The following TMEM196 variants were observed in gnomAD, a reference collection of about 807,000 sequenced individuals.
TMEM196 encodes transmembrane protein 196.
In TMEM196, 17 loss-of-function variants were observed where a neutral mutation model predicts 20.0. The observed-to-expected ratio is 0.85, with a 90% CI of 0.58 to 1.27. The LOEUF (loss-of-function observed/expected upper bound fraction) is 1.27, where lower values mean the gene tolerates loss of function less well. TMEM196 is among the 50% of genes most tolerant of loss of function. The pLI, the probability that TMEM196 is intolerant of heterozygous loss-of-function variation, is 0.00. For missense variants in TMEM196, 267 were observed against 223.0 expected (o/e 1.20, Z -1.26); for synonymous variants, 113 against 88.9 (o/e 1.27, Z -1.52).
intron 4 of TMEM196, among the ~76,000 whole-genome samples, chr7:19,722,878 C>A (rs896317844): frequency 6.6e-6 from 1 of 152,022 alleles, no homozygotes; most frequent in African/African-American, 2.4e-5. Flanking sequence ...TTAAACCCTT[C>A]CCAACACAAT....
intron 1 of TMEM196, among the ~76,000 whole-genome samples, chr7:19,762,242 T>C (rs1785463175): frequency 6.6e-6 from 1 of 152,018 alleles, no homozygotes; most frequent in Non-Finnish European, 1.5e-5. Flanking sequence ...TCATAGATAG[T>C]AGTAAAAAAA....
chr7:19,740,706 A>C (rs2128023249), intron 1 of TMEM196, among the ~76,000 whole-genome samples: 1 of 152,112 alleles, frequency 6.6e-6, no homozygotes. Flanking sequence ...GCGTTTTTTC[A>C]ACCACAACCA....
At chr7:19,724,555 G>A (rs1406797943) in intron 3 of TMEM196, among the ~76,000 whole-genome samples, 2 of 152,092 alleles carry the variant, frequency 1.3e-5, no homozygotes, top group Admixed American at 1.3e-4. Context: ...GACATGCATA[G>A]CTGTGTTTAA....
At chr7:19,764,464 C>G (rs1261013778) in intron 1 of TMEM196, among the ~76,000 whole-genome samples, 1 of 152,134 alleles carries the variant, frequency 6.6e-6, no homozygotes, top group Non-Finnish European at 1.5e-5. Context: ...TCCTCAGTGA[C>G]CCACAAAGAC....
chr7:19,752,717 C>T (rs999338981), intron 1 of TMEM196, among the ~76,000 whole-genome samples: 6 of 151,898 alleles, frequency 4.0e-5, no homozygotes, highest in African/African-American at 7.3e-5. Flanking sequence ...CAGATTCAAG[C>T]GATTCTCCTG....
intron 1 of TMEM196, among the ~76,000 whole-genome samples, chr7:19,765,656 G>C (rs1323937661): frequency 6.6e-6 from 1 of 152,026 alleles, no homozygotes. Flanking sequence ...TTGTTAATCT[G>C]ATTGCCAAGT....
In TMEM196 at chr7:19,719,535, C is replaced by T. The variant is rs916579223; in HGVS notation, c.*2593G>A. On this transcript the variant is annotated 3_prime_UTR_variant, in exon 5 of 5. Coordinates refer to ENST00000405844, the MANE Select transcript of TMEM196 (RefSeq NM_001363562.2). Reference sequence around the variant, plus strand: ...TTTGATATGGTCCAAAGTATACCACCACTCCAGTTTCACATAGTTTTTCTA... The same window carrying T: ...TTTGATATGGTCCAAAGTATACCACTACTCCAGTTTCACATAGTTTTTCTA... 2.6e-5 allele frequency: 4 copies of T among 151,646 alleles called. No individual in the cohort carries two copies. Among genetic ancestry groups the T allele is most frequent in the Non-Finnish European group, 3.0e-5 (2 of 67,770 alleles). The allele number at this position is 151,646 out of a possible 1,614,324, so 9.4% of individuals were successfully genotyped here.
In TMEM196 at chr7:19,773,286, T is replaced by A. The variant is rs1013567299; in HGVS notation, c.-590A>T. On this transcript the variant is annotated 5_prime_UTR_variant, in exon 1 of 5. Transcript: ENST00000405844. ...GTCCCCAGGCAGAGCGGGCGGATGA[T>A]ATTCAGCACCACGCTCCTTGCAGTT... The A allele has an allele frequency of 1.3e-5, 2 of 152,346 alleles. No homozygotes were observed. Among genetic ancestry groups the A allele is most frequent in the Non-Finnish European group, 2.9e-5 (2 of 68,082 alleles). 9.4% of individuals were successfully genotyped at this position (152,346 alleles called of 1,614,324 possible).
intron 1 of TMEM196, among the ~76,000 whole-genome samples, chr7:19,763,343 T>C (rs925145315): frequency 1.3e-5 from 2 of 152,138 alleles, no homozygotes; most frequent in Non-Finnish European, 2.9e-5. Context: ...GAATAATCCA[T>C]ATGGAAAAAT....
chr7:19,755,273 A>G (rs997803277), intron 1 of TMEM196, among the ~76,000 whole-genome samples: 3 of 152,200 alleles, frequency 2.0e-5, no homozygotes, highest in Admixed American at 2.0e-4. Context: ...TATATCTGTC[A>G]TTGCAAAAGG....
intron 1 of TMEM196, among the ~76,000 whole-genome samples, chr7:19,741,484 C>T (rs1784579089): frequency 1.3e-5 from 2 of 152,064 alleles, no homozygotes; most frequent in South Asian, 4.1e-4. Context: ...GAATCAAATC[C>T]AGTTAATTTA....
At chr7:19,757,337 C>CTTTTTT (rs59859025) in intron 1 of TMEM196, among the ~76,000 whole-genome samples, 74 of 70,844 alleles carry the variant, frequency 1.0e-3, no homozygotes, top group East Asian at 1.7e-3. Flanking sequence ...CCACACCCAG[C>CTTTTTT]TTTTTTTTTT....
chr7:19,753,790 TTCTTTCTGTTCA>T (rs765512066), intron 1 of TMEM196, among the ~76,000 whole-genome samples: 10 of 152,230 alleles, frequency 6.6e-5, no homozygotes, highest in Non-Finnish European at 1.3e-4. Context: ...TCAAGCTCCC[TTCTTTCTGTTCA>T]TTCTGTGCTT....
rs531212985 is a variant in TMEM196 at position 19,769,795 on chromosome 7, T to A, written c.147+2755A>T. Among the ~76,000 whole-genome samples, 3 of 152,282 alleles carry A rather than the reference T, an allele frequency of 2.0e-5. No homozygotes were observed. In the South Asian group the frequency reaches 6.2e-4, roughly 32 times the overall value. On this transcript the variant is annotated intron_variant, in intron 1 of 4. Transcript: ENST00000405844. ...TACATGTTTTAGGTATTATAAGTAA[T>A]CTAGAGATGATGTAAGGTATATTGG...
At position 19,721,382 on chromosome 7, in the gene TMEM196, C is replaced by T. The variant is rs1016530477; in HGVS notation, c.*746G>A. On this transcript the variant is annotated 3_prime_UTR_variant, in exon 5 of 5. Transcript: ENST00000405844. ...CACACACATACTTTATTCTTAGGCT[C>T]ATTCATGAACATGCAGATCAATCTG... 1.3e-5 allele frequency: 2 copies of T among 151,988 alleles called. 1 individual carries two copies. The highest frequency in any genetic ancestry group is 4.1e-4 in the South Asian group (2 of 4,826). The allele number at this position is 151,988 out of a possible 1,614,324, so 9.4% of individuals were successfully genotyped here. A position where few individuals can be genotyped will look rare whatever the true frequency, so the allele number is the denominator to read the frequency against.
chr7:19,763,970 T>C (rs1785529936), intron 1 of TMEM196, among the ~76,000 whole-genome samples: 1 of 152,180 alleles, frequency 6.6e-6, no homozygotes, highest in Non-Finnish European at 1.5e-5. Flanking sequence ...CAGATCTTAA[T>C]AGCTTCCAAA....
intron 1 of TMEM196, among the ~76,000 whole-genome samples, chr7:19,760,099 C>A (rs1353458325): frequency 6.6e-6 from 1 of 152,094 alleles, no homozygotes; most frequent in Non-Finnish European, 1.5e-5. Flanking sequence ...TCACTCAATG[C>A]CTTCTACCTC....
chr7:19,724,160 T>C (rs77583258), intron 4 of TMEM196, 120 bp downstream of exon 4: 30,308 of 901,186 alleles, frequency 0.034, 658 homozygotes, highest in South Asian at 0.069. Flanking sequence ...AGCGATACTT[T>C]GAGAAACAAC....
intron 2 of TMEM196, 144 bp from the exon 3 acceptor site, chr7:19,725,912 A>AT (rs61617474): frequency 3.1e-3 from 2,738 of 891,498 alleles, no homozygotes; most frequent in South Asian, 4.2e-3. Context: ...AGGACAGGAG[A>AT]TTTTTTTTTT....
Sources: allele counts gnomAD v4.1 joint callset (sites outside exome capture counted in the v4.1 genomes callset), GRCh38; gene constraint gnomAD v4.1.1; transcripts MANE v1.5; gene names NCBI Gene and HGNC (gene_info 2026-07-23, HGNC 2026-07-21).